The following IQSEC1 variants were observed in gnomAD, a reference collection of about 807,000 sequenced individuals.
The protein encoded by IQSEC1 is IQ motif and SEC7 domain-containing protein 1.
IQSEC1 carries 31 observed loss-of-function variants against 91.0 expected under a neutral mutation model. The observed-to-expected ratio is 0.34, with a 90% CI of 0.26 to 0.46. The LOEUF (loss-of-function observed/expected upper bound fraction) is 0.46. Ranked by LOEUF, IQSEC1 falls within the 20% of genes least tolerant of loss-of-function variation. The pLI, the probability that IQSEC1 is intolerant of heterozygous loss-of-function variation, is 1.00. For synonymous variants in IQSEC1, 699 were observed against 662.6 expected (o/e 1.05, Z -0.84); for missense variants, 1,388 against 1,575.6 (o/e 0.88, Z 2.02).
intron 1 of IQSEC1, among the ~76,000 whole-genome samples, chr3:12,944,138 T>C (rs1699005026): frequency 6.6e-6 from 1 of 152,122 alleles, no homozygotes; most frequent in Non-Finnish European, 1.5e-5. Context: ...ACTCAATGCC[T>C]GCAAGCCCTC....
intron 1 of IQSEC1, among the ~76,000 whole-genome samples, chr3:13,047,783 A>G (rs921815821): frequency 4.2e-4 from 64 of 152,278 alleles, no homozygotes; most frequent in African/African-American, 1.5e-3. Context: ...GGGGAAACTG[A>G]GGCTCAAGGA....
chr3:13,167,709 C>T (rs758150049), intron 1 of IQSEC1, among the ~76,000 whole-genome samples: 1 of 152,234 alleles, frequency 6.6e-6, no homozygotes, highest in Non-Finnish European at 1.5e-5. Flanking sequence ...GGCCTTCAGA[C>T]GGCCAAGGCT....
intron 1 of IQSEC1, among the ~76,000 whole-genome samples, chr3:13,242,804 T>C (rs1313444143): frequency 6.6e-6 from 1 of 151,292 alleles, no homozygotes. Flanking sequence ...GAGTTTCATC[T>C]GACGCAGACA....
At chr3:13,208,941 C>T (rs1694395026) in intron 1 of IQSEC1, among the ~76,000 whole-genome samples, 1 of 152,216 alleles carries the variant, frequency 6.6e-6, no homozygotes, top group African/African-American at 2.4e-5. Flanking sequence ...AGTTCAAAGT[C>T]AGTGGGGTGG....
chr3:13,071,167 G>GT lies in IQSEC1; in HGVS notation c.23+1824dup, dbSNP rs1251040363. Among the ~76,000 whole-genome samples, 26 of 101,886 alleles carry GT rather than the reference G, an allele frequency of 2.6e-4. 1 individual carries two copies. The highest frequency in any genetic ancestry group is 1.2e-3 in the East Asian group (4 of 3,258). 66.8% of individuals were successfully genotyped at this position (101,886 alleles called of 152,430 possible). ...AGTTTTTTTTTGTTTTTTTTTTTTT[G>GT]TTTGTTTCTTTAACTGCTCCTCAAG... is the stretch of plus-strand genomic sequence containing the variant. On this transcript the variant is annotated intron_variant, in intron 1 of 13. Coordinates refer to ENST00000613206, the MANE Select transcript of IQSEC1 (RefSeq NM_001134382.3).
chr3:12,900,685 A>G lies in IQSEC1; in HGVS notation c.*298T>C. On this transcript the variant is annotated 3_prime_UTR_variant, in exon 14 of 14. Transcript: ENST00000613206. Reference sequence around the variant, plus strand: ...AGGGAGCTGAGAGCTGGAGTGGGGGAGGCAGTTCAACACTACTTGGCTGGC... The same window carrying G: ...AGGGAGCTGAGAGCTGGAGTGGGGGGGGCAGTTCAACACTACTTGGCTGGC... 3 of 1,326,224 alleles carry G rather than the reference A, an allele frequency of 2.3e-6. No individual in the cohort carries two copies. Among genetic ancestry groups the G allele is most frequent in the Non-Finnish European group, 2.9e-6 (3 of 1,036,318 alleles). 82.2% of individuals were successfully genotyped at this position (1,326,224 alleles called of 1,614,324 possible). A position where few individuals can be genotyped will look rare whatever the true frequency, so the allele number is the denominator to read the frequency against.
chr3:13,216,212 T>C (rs1021976730), intron 1 of IQSEC1, among the ~76,000 whole-genome samples: 1 of 152,050 alleles, frequency 6.6e-6, no homozygotes, highest in African/African-American at 2.4e-5. Context: ...CGGTAGGAGG[T>C]TGCATATGTA....
intron 1 of IQSEC1, among the ~76,000 whole-genome samples, chr3:12,989,332 T>C (rs1176300170): frequency 6.6e-6 from 1 of 152,230 alleles, no homozygotes; most frequent in African/African-American, 2.4e-5. Flanking sequence ...CTATTTGCAC[T>C]TTCAGATCCT....
intron 2 of IQSEC1, among the ~76,000 whole-genome samples, chr3:13,126,653 A>C (rs953594060): frequency 3.3e-5 from 5 of 152,256 alleles, no homozygotes; most frequent in East Asian, 1.9e-4. Context: ...AGATGATGAA[A>C]GTTTCCATTT....
chr3:12,932,979 G>A (rs1697821944), intron 3 of IQSEC1, among the ~76,000 whole-genome samples: 1 of 152,262 alleles, frequency 6.6e-6, no homozygotes, highest in Admixed American at 6.5e-5. Context: ...CCCGCTTGCT[G>A]CTGGCTCTCC....
intron 2 of IQSEC1, among the ~76,000 whole-genome samples, chr3:13,098,104 AG>A (rs368276371): frequency 1.3e-3 from 205 of 152,354 alleles, no homozygotes; most frequent in African/African-American, 4.5e-3. Context: ...ACCTGACCCT[AG>A]GTCAGGTCTT....
chr3:12,959,727 A>G (rs751718895), intron 1 of IQSEC1, among the ~76,000 whole-genome samples: 1 of 152,222 alleles, frequency 6.6e-6, no homozygotes, highest in African/African-American at 2.4e-5. Flanking sequence ...ATATAAAATC[A>G]ACAAAACGTC....
At chr3:13,010,539 C>T (rs1702835614) in intron 1 of IQSEC1, among the ~76,000 whole-genome samples, 1 of 152,088 alleles carries the variant, frequency 6.6e-6, no homozygotes, top group East Asian at 1.9e-4. Flanking sequence ...GGAATGAAGT[C>T]AAAGAGATGG....
intron 1 of IQSEC1, among the ~76,000 whole-genome samples, chr3:13,235,256 C>A (rs888671150): frequency 6.6e-6 from 1 of 152,136 alleles, no homozygotes; most frequent in African/African-American, 2.4e-5. Flanking sequence ...CAGGGAGCCA[C>A]TGTGGCCTGG....
intron 1 of IQSEC1, among the ~76,000 whole-genome samples, chr3:12,971,430 G>A (rs190059969): frequency 3.6e-4 from 55 of 152,338 alleles, no homozygotes; most frequent in Non-Finnish European, 6.0e-4. Flanking sequence ...CAGAACTCGG[G>A]AGGAAACGTG....
chr3:13,274,597 C>T (rs76538719), intron 1 of IQSEC1, among the ~76,000 whole-genome samples: 3,909 of 152,312 alleles, frequency 0.026, 134 homozygotes, highest in African/African-American at 0.08. Flanking sequence ...CCCTCCCCTG[C>T]GACCACATGT....
chr3:13,117,376 G>A (rs1309055510), intron 2 of IQSEC1, among the ~76,000 whole-genome samples: 1 of 150,740 alleles, frequency 6.6e-6, no homozygotes, highest in African/African-American at 2.4e-5. Flanking sequence ...CACGAGGTCA[G>A]GAGATCGAGA....
Position 13,166,178 on chromosome 3 carries a change from C to T in IQSEC1, c.273-2045G>A, listed in dbSNP as rs903078011. Among the ~76,000 whole-genome samples, 6 of 152,238 alleles carry T rather than the reference C, an allele frequency of 3.9e-5. No individual in the cohort carries two copies. The South Asian group carries it at 6.2e-4, about 16-fold the overall frequency. On this transcript the variant is annotated intron_variant, in intron 1 of 15. Coordinates refer to the IQSEC1 transcript ENST00000648114. ...CAGCATTTGCTGTCTTCAGCTCCTACGTTTTTGGGGTCACTTGTTACATGG... is the reference window on the plus strand; with the variant it reads ...CAGCATTTGCTGTCTTCAGCTCCTATGTTTTTGGGGTCACTTGTTACATGG...
chr3:13,099,023 G>T (rs1472983218), intron 2 of IQSEC1, among the ~76,000 whole-genome samples: 3 of 152,210 alleles, frequency 2.0e-5, no homozygotes, highest in African/African-American at 7.2e-5. Context: ...AAGACATTGG[G>T]ATAAGAGGAC....
Sources: allele counts gnomAD v4.1 joint callset (sites outside exome capture counted in the v4.1 genomes callset), GRCh38; gene constraint gnomAD v4.1.1; transcripts MANE v1.5; gene names NCBI Gene and HGNC (gene_info 2026-07-23, HGNC 2026-07-21).